Variants in TEX29 observed in about 807,000 individuals in gnomAD.
The protein encoded by TEX29 is testis expressed 29.
TEX29 carries 26 observed loss-of-function variants against 18.2 expected under a neutral mutation model. The ratio of observed to expected loss-of-function variants is 1.43; its 90% CI spans 1.04 to 1.98. The LOEUF is 1.98. Among genes scored for constraint, TEX29 ranks in the 30% most tolerant of loss-of-function variants. TEX29 has a pLI of 0.00. For synonymous variants in TEX29, 83 were observed against 78.5 expected (o/e 1.06, Z -0.31); for missense variants, 177 against 194.2 (o/e 0.91, Z 0.53).
chr13:111,339,730 G>A (rs1019454370), intron 3 of TEX29, 133 bp from the exon 4 acceptor site: 34 of 768,584 alleles, frequency 4.4e-5, no homozygotes, highest in Non-Finnish European at 7.2e-5. Flanking sequence ...GGGGAGGGTG[G>A]GTGAGGAGTG....
At position 111,342,737 on chromosome 13, in the gene TEX29, A is replaced by G. The variant is rs1474713348; in HGVS notation, c.240-19A>G. 1 of 1,610,118 alleles carries G rather than the reference A, an allele frequency of 6.2e-7. No individual in the cohort carries two copies. The highest frequency in any genetic ancestry group is 8.5e-7 in the Non-Finnish European group (1 of 1,177,036). On this transcript the variant is annotated intron_variant, in intron 4 of 5. Coordinates refer to ENST00000283547, the MANE Select transcript of TEX29 (RefSeq NM_152324.3). ...CATCTGTAACTTCCCTGACTGTGAT[A>G]AAACCCTCTTCCCATCAGAGTCATT... is the stretch of plus-strand genomic sequence containing the variant.
Position 111,328,167 on chromosome 13 carries a change from G to A in TEX29, c.59-16G>A. 1.9e-6 allele frequency: 3 copies of A among 1,554,518 alleles called. No homozygotes were observed. Among genetic ancestry groups the A allele is most frequent in the Non-Finnish European group, 2.7e-6 (3 of 1,125,988 alleles). ...GTTTTCGGGGGTGACACTTGTGTAT[G>A]TCTGTGCTTTTGCAGTGTGTGACGT... On this transcript the variant is annotated splice_polypyrimidine_tract_variant and intron_variant, in intron 2 of 5. Transcript: ENST00000283547.
intron 5 of TEX29, 34 bp downstream of exon 5, chr13:111,342,965 G>T (rs1399813667): frequency 6.2e-7 from 1 of 1,606,304 alleles, no homozygotes; most frequent in Admixed American, 1.7e-5. Flanking sequence ...TCAGCCTAAG[G>T]TCAAGGGCGT....
At chr13:111,319,909 C>T (rs1431250421), upstream of TEX29, among the ~76,000 whole-genome samples, 3 of 152,356 alleles carry the variant, frequency 2.0e-5, no homozygotes, top group African/African-American at 7.2e-5. Flanking sequence ...GTTTCCAGCA[C>T]AGCAGAGTGA....
rs1211887503 is a variant in TEX29, at chr13:111,344,145, A to T, written c.*22A>T. ...CTGACTGAGACGCATGAAGAAGTGG[A>T]GATTGTCAGAATTATCCAAATGAAA... On this transcript the variant is annotated 3_prime_UTR_variant, in exon 6 of 6. Coordinates refer to ENST00000283547, the MANE Select transcript of TEX29 (RefSeq NM_152324.3). 1 of 1,607,648 alleles carries T rather than the reference A, an allele frequency of 6.2e-7. No individual in the cohort carries two copies. Among genetic ancestry groups the T allele is most frequent in the Non-Finnish European group, 8.5e-7 (1 of 1,174,356 alleles).
chr13:111,320,458 G>T (rs546868512), upstream of TEX29, among the ~76,000 whole-genome samples: 1 of 152,186 alleles, frequency 6.6e-6, no homozygotes, highest in Non-Finnish European at 1.5e-5. Flanking sequence ...CCCCAGCAGC[G>T]TCTTGCCCCT....
chr13:111,337,228 A>C (rs1359865642), intron 3 of TEX29, among the ~76,000 whole-genome samples: 1 of 152,028 alleles, frequency 6.6e-6, no homozygotes, highest in Non-Finnish European at 1.5e-5. Context: ...TTACCCCAAA[A>C]CTTAGTGGCT....
At chr13:111,325,650 A>T (rs974822911) in intron 2 of TEX29, among the ~76,000 whole-genome samples, 4 of 152,072 alleles carry the variant, frequency 2.6e-5, no homozygotes, top group South Asian at 2.1e-4. Flanking sequence ...CTGGATTTTT[A>T]AAATGCATGG....
chr13:111,321,039 C>A, intron 2 of TEX29, 91 bp downstream of exon 2: 1 of 1,435,144 alleles, frequency 7.0e-7, no homozygotes, highest in South Asian at 1.3e-5. Flanking sequence ...CTGGCGCGGA[C>A]AGGGGGTCCT....
At chr13:111,332,032 G>T (rs78270656) in intron 3 of TEX29, among the ~76,000 whole-genome samples, 1 of 152,036 alleles carries the variant, frequency 6.6e-6, no homozygotes, top group Non-Finnish European at 1.5e-5. Context: ...TGGCTGTTAT[G>T]GGTCCCTTGC....
intron 3 of TEX29, among the ~76,000 whole-genome samples, chr13:111,329,703 T>C (rs2093679759): frequency 6.6e-6 from 1 of 152,044 alleles, no homozygotes. Context: ...AACTTTAGGC[T>C]GGGAAGAGGG....
At chr13:111,335,972 G>A (rs2093689142) in intron 3 of TEX29, among the ~76,000 whole-genome samples, 1 of 152,210 alleles carries the variant, frequency 6.6e-6, no homozygotes, top group Non-Finnish European at 1.5e-5. Context: ...GTCGAACATG[G>A]CTTAAGTTAG....
At chr13:111,339,589 G>A (rs1032983523) in intron 3 of TEX29, among the ~76,000 whole-genome samples, 1 of 152,088 alleles carries the variant, frequency 6.6e-6, no homozygotes, top group African/African-American at 2.4e-5. Context: ...GCACTCCCGG[G>A]GGTCAGGGTG....
chr13:111,317,656 T>C (rs566371004), upstream of TEX29, among the ~76,000 whole-genome samples: 1 of 152,336 alleles, frequency 6.6e-6, no homozygotes, highest in East Asian at 1.9e-4. Context: ...TGCGGCTGCT[T>C]TCACACAGCA....
upstream of TEX29, among the ~76,000 whole-genome samples, chr13:111,320,294 G>A (rs898027994): frequency 2.6e-5 from 4 of 152,348 alleles, no homozygotes; most frequent in Non-Finnish European, 1.5e-5. Context: ...TTTGTTCTCT[G>A]CTGCACCCAG....
At chr13:111,342,329 TC>T (rs1567165435) in intron 4 of TEX29, among the ~76,000 whole-genome samples, 1 of 152,086 alleles carries the variant, frequency 6.6e-6, no homozygotes, top group Non-Finnish European at 1.5e-5. Context: ...ACACACACCT[TC>T]CCCCTGCCCG....
intron 3 of TEX29, among the ~76,000 whole-genome samples, chr13:111,335,002 C>A (rs150291098): frequency 1.3e-5 from 2 of 152,324 alleles, no homozygotes; most frequent in African/African-American, 4.8e-5. Context: ...TCCAAGCTTG[C>A]TCTTTTACTG....
chr13:111,342,608 A>G, intron 4 of TEX29, 148 bp from the exon 5 acceptor site: 1 of 665,254 alleles, frequency 1.5e-6, no homozygotes, highest in Non-Finnish European at 2.4e-6. Context: ...AATGAGAACT[A>G]TTACATCAAA....
intron 2 of TEX29, among the ~76,000 whole-genome samples, chr13:111,321,348 C>T (rs2093664211): frequency 6.6e-6 from 1 of 152,112 alleles, no homozygotes; most frequent in South Asian, 2.1e-4. Flanking sequence ...TCCCTTTCCC[C>T]ACCCGGGCAA....
Sources: allele counts gnomAD v4.1 joint callset (sites outside exome capture counted in the v4.1 genomes callset), GRCh38; gene constraint gnomAD v4.1.1; transcripts MANE v1.5; gene names NCBI Gene and HGNC (gene_info 2026-07-23, HGNC 2026-07-21).